The following DEPDC5 variants were observed in gnomAD, a reference collection of about 807,000 sequenced individuals.
The protein encoded by DEPDC5 is DEP domain containing 5, GATOR1 subcomplex subunit, also known as GATOR1 complex protein DEPDC5.
Under a neutral mutation model 217.3 loss-of-function variants are expected in DEPDC5, and 73 were observed. The ratio of observed to expected loss-of-function variants is 0.34; its 90% CI spans 0.28 to 0.41. The LOEUF (loss-of-function observed/expected upper bound fraction) is 0.41, where lower values mean the gene tolerates loss of function less well. Ranked by LOEUF, DEPDC5 falls within the 10% of genes least tolerant of loss-of-function variation. DEPDC5 has a pLI of 1.00. For missense variants in DEPDC5, 1,675 were observed against 2,070.1 expected (o/e 0.81, Z 3.70); for synonymous variants, 733 against 756.7 (o/e 0.97, Z 0.51).
intron 32 of DEPDC5, among the ~76,000 whole-genome samples, chr22:31,861,161 GCT>G (rs1056545404): frequency 8.9e-5 from 13 of 145,978 alleles, no homozygotes; most frequent in African/African-American, 2.0e-4. Context: ...TCTGGGTGGC[GCT>G]CTCTCTCTCT....
intron 8 of DEPDC5, among the ~76,000 whole-genome samples, chr22:31,783,457 T>C (rs1476389429): frequency 1.3e-5 from 2 of 152,016 alleles, no homozygotes; most frequent in African/African-American, 2.4e-5. Context: ...GCCCAGGAGT[T>C]TGAAACCACT....
intron 7 of DEPDC5, among the ~76,000 whole-genome samples, chr22:31,776,572 CT>C (rs34058587): frequency 2.2e-4 from 23 of 104,138 alleles, no homozygotes; most frequent in Admixed American, 7.5e-4. Context: ...GTACTATTCA[CT>C]TTTTTTTTTT....
chr22:31,844,158 G>A (rs2091570759), intron 29 of DEPDC5, among the ~76,000 whole-genome samples: 1 of 152,052 alleles, frequency 6.6e-6, no homozygotes, highest in Non-Finnish European at 1.5e-5. Context: ...CCCAGGAGGT[G>A]GAGGTTGCAG....
intron 14 of DEPDC5, 41 bp downstream of exon 14, chr22:31,798,697 C>T: frequency 1.9e-6 from 3 of 1,588,094 alleles, no homozygotes; most frequent in Non-Finnish European, 1.7e-6. Flanking sequence ...TCTTGCCTAC[C>T]ACATGGCTAT....
intron 36 of DEPDC5, chr22:31,875,765 C>G (rs1569174128): frequency 6.5e-6 from 1 of 154,466 alleles, no homozygotes; most frequent in Non-Finnish European, 1.4e-5. Context: ...TCCCGAGTAG[C>G]TGGGATTACA....
chr22:31,763,096 T>G (rs1569509742), intron 4 of DEPDC5, among the ~76,000 whole-genome samples: 1 of 152,044 alleles, frequency 6.6e-6, no homozygotes, highest in Non-Finnish European at 1.5e-5. Flanking sequence ...ATTCAAGGGA[T>G]TCTCCTGCCT....
intron 40 of DEPDC5, among the ~76,000 whole-genome samples, chr22:31,898,687 A>G (rs1173033794): frequency 2.0e-5 from 3 of 152,210 alleles, no homozygotes; most frequent in African/African-American, 7.2e-5. Flanking sequence ...GGCTGCCCTC[A>G]TGGTGCAAAC....
intron 18 of DEPDC5, among the ~76,000 whole-genome samples, chr22:31,806,398 CT>C (rs951150670): frequency 4.6e-5 from 7 of 152,204 alleles, no homozygotes; most frequent in African/African-American, 9.6e-5. Flanking sequence ...TATTTTAGTC[CT>C]GAGGTACCCT....
chr22:31,815,534 A>C, intron 21 of DEPDC5: 1 of 630,456 alleles, frequency 1.6e-6, no homozygotes. Context: ...ATAGCATGCC[A>C]CCACACCCAG....
chr22:31,820,240 T>C (rs2089552466), intron 22 of DEPDC5, among the ~76,000 whole-genome samples: 1 of 152,082 alleles, frequency 6.6e-6, no homozygotes, highest in African/African-American at 2.4e-5. Flanking sequence ...GCCTCCCAAG[T>C]AGCTGGGATT....
At chr22:31,876,372 A>G (rs1264419574) in intron 37 of DEPDC5, 107 bp downstream of exon 37, 2 of 796,380 alleles carry the variant, frequency 2.5e-6, no homozygotes, top group African/African-American at 1.7e-5. Flanking sequence ...ACTTTGTATT[A>G]TAAGTTGACA....
intron 6 of DEPDC5, among the ~76,000 whole-genome samples, chr22:31,767,722 G>A (rs538814087): frequency 5.9e-5 from 9 of 151,974 alleles, no homozygotes; most frequent in East Asian, 1.9e-4. Context: ...GTGAGGCATC[G>A]TGCCCGGCCC....
intron 38 of DEPDC5, among the ~76,000 whole-genome samples, chr22:31,886,771 AAAAAAG>A (rs1325308397): frequency 0.038 from 5,606 of 145,940 alleles, 372 homozygotes; most frequent in African/African-American, 0.14. Flanking sequence ...AAAAAAAAAA[AAAAAAG>A]AGAGAGAGAG....
intron 22 of DEPDC5, 105 bp from the exon 23 acceptor site, chr22:31,821,397 A>G: frequency 6.8e-7 from 1 of 1,478,420 alleles, no homozygotes; most frequent in South Asian, 1.2e-5. Context: ...TTTCAATCTC[A>G]CCAACATCTG....
At chr22:31,877,992 C>A (rs1458410089) in intron 37 of DEPDC5, among the ~76,000 whole-genome samples, 1 of 151,890 alleles carries the variant, frequency 6.6e-6, no homozygotes, top group Non-Finnish European at 1.5e-5. Context: ...TCGAGACCAT[C>A]CTGGTCAACA....
At chr22:31,859,348 C>T (rs1223878921) in intron 32 of DEPDC5, among the ~76,000 whole-genome samples, 1 of 151,000 alleles carries the variant, frequency 6.6e-6, no homozygotes, top group East Asian at 1.9e-4. Context: ...GCCTCTGTCT[C>T]CCAAAGTGTT....
At chr22:31,811,523 G>T (rs898567711) in intron 20 of DEPDC5, among the ~76,000 whole-genome samples, 2 of 150,886 alleles carry the variant, frequency 1.3e-5, no homozygotes, top group African/African-American at 4.9e-5. Flanking sequence ...TTAAAAATTT[G>T]CTCTGTGGTG....
At chr22:31,822,843 T>A in intron 24 of DEPDC5, 53 bp downstream of exon 24, 2 of 1,563,326 alleles carry the variant, frequency 1.3e-6, no homozygotes, top group Non-Finnish European at 8.8e-7. Context: ...GGCTCACATC[T>A]GGAAATGACA....
intron 29 of DEPDC5, 104 bp from the exon 30 acceptor site, chr22:31,844,913 TG>T: frequency 8.7e-7 from 1 of 1,143,222 alleles, no homozygotes; most frequent in Non-Finnish European, 1.3e-6. Context: ...CACATACTCA[TG>T]GGGAGATGGA....
Sources: allele counts gnomAD v4.1 joint callset (sites outside exome capture counted in the v4.1 genomes callset), GRCh38; gene constraint gnomAD v4.1.1; transcripts MANE v1.5; gene names NCBI Gene and HGNC (gene_info 2026-07-23, HGNC 2026-07-21).